SEC24B: variants seen among roughly 807,000 people sequenced by gnomAD.
SEC24B encodes the protein protein transport protein Sec24B.
A neutral mutation model predicts 142.8 loss-of-function variants in SEC24B; 45 were observed. That is an observed-to-expected ratio of 0.32 (90% CI 0.25 to 0.40). The LOEUF is 0.40. Ranked by LOEUF, SEC24B falls within the 10% of genes least tolerant of loss-of-function variation. SEC24B has a pLI of 1.00. For synonymous variants in SEC24B, 574 were observed against 568.2 expected (o/e 1.01, Z -0.15); for missense variants, 1,409 against 1,526.8 (o/e 0.92, Z 1.29).
At chr4:109,504,321 T>C (rs1736474238) in intron 6 of SEC24B, among the ~76,000 whole-genome samples, 1 of 152,228 alleles carries the variant, frequency 6.6e-6, no homozygotes, top group African/African-American at 2.4e-5. Flanking sequence ...CTTTGTATAC[T>C]TTGTTCACAT....
In SEC24B at chr4:109,529,146, G is replaced by C. The variant is rs369921802; in HGVS notation, c.3077-1143G>C. ...CCACTGCACTCCAGCCTGGGAAACA[G>C]AGGGAGACTCTGTCTCGGGGGTGGG... On this transcript the variant is annotated intron_variant, in intron 18 of 23. Transcript: ENST00000265175. Among the ~76,000 whole-genome samples the C allele has an allele frequency of 2.6e-5, 4 of 152,138 alleles. No homozygotes were observed. In the East Asian group the frequency reaches 7.7e-4, roughly 29 times the overall value.
chr4:109,520,845 A>G, intron 12 of SEC24B, among the ~76,000 whole-genome samples: 1 of 152,166 alleles, frequency 6.6e-6, no homozygotes, highest in East Asian at 1.9e-4. Flanking sequence ...ATGCAAAATT[A>G]GCTAGGCGTT....
chr4:109,516,651 T>A lies in SEC24B; in HGVS notation c.2126+11T>A. ...AGAAAATCTAGACAAGTAAGAATAT[T>A]TTTAATTCATACTATACATATGTGT... On this transcript the variant is annotated intron_variant, in intron 11 of 23. Coordinates refer to ENST00000265175, the MANE Select transcript of SEC24B (RefSeq NM_006323.5). 1 of 1,397,300 alleles carries A rather than the reference T, an allele frequency of 7.2e-7. No homozygotes were observed. The highest frequency in any genetic ancestry group is 1.2e-5 in the South Asian group (1 of 84,794). 86.6% of individuals were successfully genotyped at this position (1,397,300 alleles called of 1,614,324 possible).
At chr4:109,517,947 GTTTATTTATTTATTTA>G (rs72178897) in intron 11 of SEC24B, among the ~76,000 whole-genome samples, 51 of 133,708 alleles carry the variant, frequency 3.8e-4, no homozygotes, top group Middle Eastern at 4.0e-3. Context: ...TTGTTTGTTT[GTTTATTTATTTATTTA>G]TTTATTTATT....
chr4:109,512,098 CTTAA>C lies in SEC24B; in HGVS notation c.1903+18_1903+21del. ...AGTAAACGATGGTGAGTTTTAGATTCTTAATTGTGTTTTAATCCTATTTTCAGGT... is the reference window on the plus strand; with the variant it reads ...AGTAAACGATGGTGAGTTTTAGATTCTTGTGTTTTAATCCTATTTTCAGGT... On this transcript the variant is annotated intron_variant, in intron 9 of 23. Transcript: ENST00000265175. 1 of 1,578,748 alleles carries C rather than the reference CTTAA, an allele frequency of 6.3e-7. No individual in the cohort carries two copies.
In SEC24B at chr4:109,524,511, A is replaced by G. The variant is rs564960321; in HGVS notation, c.2509-307A>G. Among the ~76,000 whole-genome samples, 18 of 152,292 alleles carry G rather than the reference A, an allele frequency of 1.2e-4. No homozygotes were observed. In the East Asian group the frequency reaches 1.5e-3, roughly 13 times the overall value. The stretch of plus-strand genomic sequence containing the variant: ...TTCCAATATCCACTTCTCAATATCT[A>G]TGTAATCTTGGTCAAGTTACTTAAT... On this transcript the variant is annotated intron_variant, in intron 14 of 23. Transcript: ENST00000265175.
At chr4:109,519,678 T>G (rs1038217580) in intron 11 of SEC24B, among the ~76,000 whole-genome samples, 1 of 152,222 alleles carries the variant, frequency 6.6e-6, no homozygotes, top group Non-Finnish European at 1.5e-5. Flanking sequence ...CCACATAACT[T>G]GTAGCTTTCT....
chr4:109,451,556 C>G (rs1730091336), intron 1 of SEC24B, among the ~76,000 whole-genome samples: 1 of 152,084 alleles, frequency 6.6e-6, no homozygotes, highest in South Asian at 2.1e-4. Flanking sequence ...TTCCCCCAAT[C>G]TTTTTGTTGT....
intron 4 of SEC24B, among the ~76,000 whole-genome samples, chr4:109,484,064 G>A (rs918592423): frequency 1.3e-5 from 2 of 152,202 alleles, no homozygotes; most frequent in African/African-American, 4.8e-5. Flanking sequence ...TGATAACACT[G>A]TTCATTGTCA....
At chr4:109,487,773 A>T (rs1734534222) in intron 4 of SEC24B, among the ~76,000 whole-genome samples, 1 of 152,228 alleles carries the variant, frequency 6.6e-6, no homozygotes, top group African/African-American at 2.4e-5. Context: ...TGACAGGTTC[A>T]CAAATAGAGA....
chr4:109,532,683 T>A lies in SEC24B; in HGVS notation c.3435T>A (p.Leu1145=), dbSNP rs773096748. Residue 1145 remains leucine, a synonymous_variant, in exon 21 of 24, where the codon CTT becomes CTA. Coordinates refer to ENST00000265175, the MANE Select transcript of SEC24B (RefSeq NM_006323.5). ...ACAGGATTGTACCACAGCCACCTCT[T>A]CAAAAATTGTCTGCAGAGAAGCTGA... ...VNDRIVPQPP[L]QKLSAEKLTR... 73 of 1,613,446 alleles carry A rather than the reference T, an allele frequency of 4.5e-5. No homozygotes were observed. The highest frequency in any genetic ancestry group is 5.9e-5 in the Non-Finnish European group (69 of 1,179,484).
chr4:109,486,878 AGTGTAAGCAGGCGC>A (rs1405758139), intron 4 of SEC24B, among the ~76,000 whole-genome samples: 1 of 152,180 alleles, frequency 6.6e-6, no homozygotes, highest in Non-Finnish European at 1.5e-5. Flanking sequence ...CAACTTGAAA[AGTGTAAGCAGGCGC>A]GGTGGCTCAC....
At position 109,502,180 on chromosome 4, in the gene SEC24B, T is replaced by C. The variant is rs1272735306; in HGVS notation, c.1489-4148T>C. ...ACTTAAGGCAGGAACAAGTTTGACATGTTTGAGGAATAAAGTCCCAGTGTT... is the reference window on the plus strand; with the variant it reads ...ACTTAAGGCAGGAACAAGTTTGACACGTTTGAGGAATAAAGTCCCAGTGTT... On this transcript the variant is annotated intron_variant, in intron 6 of 23. Coordinates refer to ENST00000265175, the MANE Select transcript of SEC24B (RefSeq NM_006323.5). Among the ~76,000 whole-genome samples, 7 of 152,156 alleles carry C rather than the reference T, an allele frequency of 4.6e-5. No individual in the cohort carries two copies. The East Asian group carries it at 1.2e-3, about 25-fold the overall frequency.
chr4:109,496,995 A>G (rs1314014868), intron 6 of SEC24B, among the ~76,000 whole-genome samples: 6 of 152,278 alleles, frequency 3.9e-5, no homozygotes, highest in Non-Finnish European at 7.3e-5. Context: ...TTGAAATAGT[A>G]AATGGTCTTA....
chr4:109,499,462 A>T (rs1735877451), intron 6 of SEC24B, among the ~76,000 whole-genome samples: 3 of 152,286 alleles, frequency 2.0e-5, no homozygotes, highest in South Asian at 4.1e-4. Context: ...ATATAGCAAG[A>T]ACCTGTGACA....
At chr4:109,538,435 C>A in intron 22 of SEC24B, 58 bp from the exon 23 acceptor site, 1 of 1,162,110 alleles carries the variant, frequency 8.6e-7, no homozygotes, top group Non-Finnish European at 1.3e-6. Context: ...TGATTTTGTT[C>A]TATTACTGCT....
At chr4:109,501,294 G>A (rs1429339558) in intron 6 of SEC24B, among the ~76,000 whole-genome samples, 1 of 152,142 alleles carries the variant, frequency 6.6e-6, no homozygotes, top group Non-Finnish European at 1.5e-5. Flanking sequence ...GTGTGTAGTA[G>A]GCTATACCAT....
Position 109,433,823 on chromosome 4 carries a change from T to A in SEC24B, c.-47T>A, listed in dbSNP as rs1728088455. The A allele has an allele frequency of 2.4e-6, 3 of 1,231,946 alleles. No homozygotes were observed. Among genetic ancestry groups the A allele is most frequent in the Non-Finnish European group, 3.0e-6 (3 of 984,572 alleles). The allele number at this position is 1,231,946 out of a possible 1,614,324, so 76.3% of individuals were successfully genotyped here. On this transcript the variant is annotated 5_prime_UTR_variant, in exon 1 of 24. Transcript: ENST00000265175. Reference sequence around the variant, plus strand: ...CTCTCCGGCCCCGCCTTCCCTTCCCTCCGCCCACCTCCCTGAAGCGGAGCC... The same window carrying A: ...CTCTCCGGCCCCGCCTTCCCTTCCCACCGCCCACCTCCCTGAAGCGGAGCC...
intron 2 of SEC24B, among the ~76,000 whole-genome samples, chr4:109,468,526 A>T (rs968171837): frequency 1.3e-5 from 2 of 152,242 alleles, no homozygotes; most frequent in Non-Finnish European, 2.9e-5. Context: ...ATATGTAATC[A>T]GCAGCCATTA....
Sources: allele counts gnomAD v4.1 joint callset (sites outside exome capture counted in the v4.1 genomes callset), GRCh38; gene constraint gnomAD v4.1.1; transcripts MANE v1.5; gene names NCBI Gene and HGNC (gene_info 2026-07-23, HGNC 2026-07-21).